The following ELP1 variants were observed in gnomAD, a reference collection of about 807,000 sequenced individuals.
ELP1 encodes elongator acetyltransferase complex subunit 1, also known as elongator complex protein 1.
Under a neutral mutation model 183.2 loss-of-function variants are expected in ELP1, and 131 were observed. The observed-to-expected ratio is 0.72, with a 90% CI of 0.62 to 0.83. ELP1 has a LOEUF of 0.83. ELP1 is among the 40% of genes least tolerant of loss of function. The pLI is 0.00. For missense variants in ELP1, 1,550 were observed against 1,594.9 expected (o/e 0.97, Z 0.48); for synonymous variants, 555 against 569.0 (o/e 0.98, Z 0.35).
Position 108,868,861 on chromosome 9 carries a change from A to G in ELP1, c.*254T>C. The stretch of plus-strand genomic sequence containing the variant: ...ATTATGCTCTCAAACAGCCCAAGTG[A>G]AAGAACAATCATTCTCACAAAATGG... On this transcript the variant is annotated 3_prime_UTR_variant, in exon 37 of 37. Coordinates refer to ENST00000374647, the MANE Select transcript of ELP1 (RefSeq NM_003640.5). 1.7e-6 allele frequency: 1 copy of G among 601,586 alleles called. No individual in the cohort carries two copies. Among genetic ancestry groups the G allele is most frequent in the Non-Finnish European group, 3.0e-6 (1 of 337,794 alleles). The allele number at this position is 601,586 out of a possible 1,614,324, so 37.3% of individuals were successfully genotyped here.
intron 27 of ELP1, 94 bp from the exon 28 acceptor site, chr9:108,891,498 T>C: frequency 8.7e-7 from 1 of 1,149,644 alleles, no homozygotes; most frequent in South Asian, 1.3e-5. Flanking sequence ...TACTTGGAAC[T>C]CCCTTGAAAG....
intron 2 of ELP1, 69 bp from the exon 3 acceptor site, chr9:108,929,990 A>T (rs1372603231): frequency 6.5e-7 from 1 of 1,543,220 alleles, no homozygotes; most frequent in African/African-American, 1.4e-5. Flanking sequence ...ACATTTCCAG[A>T]AATACTTTTT....
intron 29 of ELP1, among the ~76,000 whole-genome samples, chr9:108,888,979 A>AGTAT (rs1828224713): frequency 6.6e-6 from 1 of 152,238 alleles, no homozygotes; most frequent in African/African-American, 2.4e-5. Context: ...AAAAGCCAAG[A>AGTAT]GTATGTAGCC....
intron 26 of ELP1, among the ~76,000 whole-genome samples, chr9:108,893,292 C>T (rs1283455490): frequency 2.0e-5 from 3 of 152,184 alleles, no homozygotes; most frequent in African/African-American, 7.2e-5. Flanking sequence ...TTGGGATCAG[C>T]ATCCTACTTA....
chr9:108,931,155 G>T lies in ELP1; in HGVS notation c.-9C>A. 1 of 1,613,604 alleles carries T rather than the reference G, an allele frequency of 6.2e-7. No individual in the cohort carries two copies. ...AATTTCAGATTTCGCATGATGAAGT[G>T]ATTCCCACGAGACAAGTACAACTAT... is the stretch of plus-strand genomic sequence containing the variant. On this transcript the variant is annotated 5_prime_UTR_variant, in exon 2 of 37. An upstream open reading frame in the 5' UTR gains an earlier in-frame stop. Transcript: ENST00000374647.
At position 108,901,223 on chromosome 9, in the gene ELP1, T is replaced by G. The variant is rs926774094; in HGVS notation, c.2014+202A>C. Among the ~76,000 whole-genome samples, 4 of 152,290 alleles carry G rather than the reference T, an allele frequency of 2.6e-5. No homozygotes were observed. In the South Asian group the frequency reaches 8.3e-4, roughly 32 times the overall value. ...TGCTTAAGGAAGGAACTCCCTTCCTTGGATGTCTTTACTAAAGTGCAGAAT... is the reference window on the plus strand; with the variant it reads ...TGCTTAAGGAAGGAACTCCCTTCCTGGGATGTCTTTACTAAAGTGCAGAAT... On this transcript the variant is annotated intron_variant, in intron 18 of 36. Transcript: ENST00000374647.
intron 11 of ELP1, among the ~76,000 whole-genome samples, chr9:108,911,581 C>A (rs113525785): frequency 0.022 from 3,408 of 152,258 alleles, 50 homozygotes; most frequent in South Asian, 0.03. Context: ...TGATTAAGTT[C>A]TCTATATAGA....
Position 108,889,352 on chromosome 9 carries a change from C to T in ELP1, c.3202G>A (p.Val1068Ile). 6.2e-7 allele frequency: 1 copy of T among 1,614,132 alleles called. No individual in the cohort carries two copies. Among genetic ancestry groups the T allele is most frequent in the Non-Finnish European group, 8.5e-7 (1 of 1,179,974 alleles). The change falls in exon 29 of 37, where the codon GTT becomes ATT. Residue 1068 changes from valine to isoleucine, a missense_variant. Val to Ile is a conservative substitution (Grantham distance 29, BLOSUM62 3). Transcript: ENST00000374647. Reference sequence around the variant, plus strand: ...TTTACCTGGGCACACTCTTCCAAAACCATGGCCGCATCAATGTGCTTCCTC... The same window carrying T: ...TTTACCTGGGCACACTCTTCCAAAATCATGGCCGCATCAATGTGCTTCCTC... Reference protein sequence around the residue: ...EQRKHIDAAMVLEECAQDYEE... With the variant: ...EQRKHIDAAMILEECAQDYEE...
chr9:108,908,085 G>A (rs1271081868), intron 13 of ELP1, among the ~76,000 whole-genome samples: 2 of 152,166 alleles, frequency 1.3e-5, no homozygotes, highest in Admixed American at 6.5e-5. Flanking sequence ...TCCTAGGCTG[G>A]CTTACAACTC....
At chr9:108,887,257 T>C (rs1828159805) in intron 29 of ELP1, among the ~76,000 whole-genome samples, 1 of 152,022 alleles carries the variant, frequency 6.6e-6, no homozygotes, top group African/African-American at 2.4e-5. Context: ...AACATGACAC[T>C]TAATGCTAAA....
At chr9:108,930,043 C>A (rs1283254711) in intron 2 of ELP1, 122 bp from the exon 3 acceptor site, 3 of 1,189,864 alleles carry the variant, frequency 2.5e-6, no homozygotes, top group South Asian at 1.3e-5. Context: ...AATATTTTTT[C>A]TAGATGAAAA....
Position 108,877,960 on chromosome 9 carries a change from T to C in ELP1, c.3855+35A>G, listed in dbSNP as rs745812438. The C allele has an allele frequency of 6.6e-5, 106 of 1,612,400 alleles. 1 individual carries two copies. The South Asian group carries it at 1.1e-3, about 16-fold the overall frequency. On this transcript the variant is annotated intron_variant, in intron 35 of 36. Coordinates refer to ENST00000374647, the MANE Select transcript of ELP1 (RefSeq NM_003640.5). Reference sequence around the variant, plus strand: ...TGAATACAATAACCCATGAAAATGATGAAAAAAATGCACACCGTCTCTGAG... The same window carrying C: ...TGAATACAATAACCCATGAAAATGACGAAAAAAATGCACACCGTCTCTGAG...
intron 10 of ELP1, among the ~76,000 whole-genome samples, chr9:108,915,709 G>C (rs928564016): frequency 4.9e-5 from 7 of 141,446 alleles, no homozygotes; most frequent in Non-Finnish European, 7.6e-5. Flanking sequence ...AAGTACAGCT[G>C]ACCCTTGAAC....
chr9:108,909,976 CAT>C (rs1829153623), intron 12 of ELP1, among the ~76,000 whole-genome samples: 1 of 152,052 alleles, frequency 6.6e-6, no homozygotes. Flanking sequence ...CATACACACA[CAT>C]ATAAACCATT....
chr9:108,911,797 T>C (rs1244528804), intron 11 of ELP1, among the ~76,000 whole-genome samples: 1 of 148,718 alleles, frequency 6.7e-6, no homozygotes, highest in Non-Finnish European at 1.5e-5. Context: ...AATATAAACC[T>C]AATCTTCATA....
At position 108,912,308 on chromosome 9, in the gene ELP1, C is replaced by T; in HGVS notation, c.1145G>A (p.Gly382Glu). 6.2e-7 allele frequency: 1 copy of T among 1,614,178 alleles called. No homozygotes were observed. Among genetic ancestry groups the T allele is most frequent in the Non-Finnish European group, 8.5e-7 (1 of 1,180,036 alleles). ...ATTGGACAAGTCACTTGAATTATCT[C>T]CCACGCTCCGGTCAGTCGTCCAGTG... ...DWHWTTDRSV[G>E]DNSSDLSNVA... is the part of the protein sequence containing the mutation. Residue 382 changes from glycine (G) to glutamate (E), a missense_variant, in exon 11 of 37, where the codon GGA becomes GAA. Physicochemically the swap from Gly to Glu is moderately conservative, Grantham distance 98. Coordinates refer to ENST00000374647, the MANE Select transcript of ELP1 (RefSeq NM_003640.5).
intron 16 of ELP1, 140 bp from the exon 17 acceptor site, chr9:108,901,821 G>A (rs779218436): frequency 6.9e-5 from 57 of 828,006 alleles, no homozygotes; most frequent in Non-Finnish European, 1.0e-4. Flanking sequence ...TACCTAAGAC[G>A]TGGCTGGTCC....
At chr9:108,910,830 TA>T (rs11431875) in intron 12 of ELP1, among the ~76,000 whole-genome samples, 179 bp downstream of exon 12, 54 of 140,618 alleles carry the variant, frequency 3.8e-4, no homozygotes, top group East Asian at 1.4e-3. Flanking sequence ...AGTATAGGAT[TA>T]AAAAAAAAAA....
At chr9:108,905,604 C>G (rs937507219) in intron 14 of ELP1, among the ~76,000 whole-genome samples, 4 of 152,102 alleles carry the variant, frequency 2.6e-5, no homozygotes, top group Non-Finnish European at 4.4e-5. Flanking sequence ...CACATCAAAA[C>G]AAAGCATATA....
Sources: allele counts gnomAD v4.1 joint callset (sites outside exome capture counted in the v4.1 genomes callset), GRCh38; gene constraint gnomAD v4.1.1; transcripts MANE v1.5; gene names NCBI Gene and HGNC (gene_info 2026-07-23, HGNC 2026-07-21).